The following USP34 variants were observed in gnomAD, a reference collection of about 807,000 sequenced individuals.
The protein encoded by USP34 is ubiquitin carboxyl-terminal hydrolase 34.
A neutral mutation model predicts 460.3 loss-of-function variants in USP34; 70 were observed. The ratio of observed to expected loss-of-function variants is 0.15; its 90% CI spans 0.13 to 0.19. USP34 has a LOEUF of 0.19. Ranked by LOEUF, USP34 falls within the 10% of genes least tolerant of loss-of-function variation. The pLI, the probability that USP34 is intolerant of heterozygous loss-of-function variation, is 1.00. For synonymous variants in USP34, 1,647 were observed against 1,405.3 expected, an observed-to-expected ratio of 1.17 and a Z score of -3.85; for missense variants, 3,985 against 4,236.2, an observed-to-expected ratio of 0.94 and a Z score of 1.65.
At chr2:61,220,749 T>G (rs1687538026) in intron 66 of USP34, among the ~76,000 whole-genome samples, 2 of 152,208 alleles carry the variant, frequency 1.3e-5, no homozygotes, top group African/African-American at 4.8e-5. Context: ...TTTGGAAATT[T>G]ATTTAAAAGT....
chr2:61,220,899 G>C (rs1687562162), intron 66 of USP34, among the ~76,000 whole-genome samples: 1 of 152,178 alleles, frequency 6.6e-6, no homozygotes, highest in Admixed American at 6.5e-5. Context: ...AATCTAGAGT[G>C]GGGGTTGGCA....
In USP34 at chr2:61,226,221, T is replaced by C. The variant is rs117290927; in HGVS notation, c.7595+846A>G. Reference sequence around the variant, plus strand: ...CCGTGAAAAGTACATTTGTTTACAATATGGAAACTGAAACAAAAAGGCAAA... The same window carrying C: ...CCGTGAAAAGTACATTTGTTTACAACATGGAAACTGAAACAAAAAGGCAAA... On this transcript the variant is annotated intron_variant, in intron 62 of 79. Coordinates refer to ENST00000398571, the MANE Select transcript of USP34 (RefSeq NM_014709.4). 3.2e-4 allele frequency among the ~76,000 whole-genome samples: 49 copies of C among 152,292 alleles called. No homozygotes were observed. In the East Asian group the frequency reaches 8.9e-3, roughly 28 times the overall value.
intron 67 of USP34, among the ~76,000 whole-genome samples, chr2:61,218,164 GT>G (rs202133746): frequency 0.15 from 21,352 of 144,680 alleles, 2,010 homozygotes; most frequent in South Asian, 0.36. Flanking sequence ...GTTCAGCATA[GT>G]TTTTTTTTTT....
At chr2:61,336,054 C>T (rs1691404978) in intron 18 of USP34, among the ~76,000 whole-genome samples, 1 of 151,944 alleles carries the variant, frequency 6.6e-6, no homozygotes, top group Non-Finnish European at 1.5e-5. Flanking sequence ...TTTAAAATTA[C>T]AGCGTATATC....
intron 33 of USP34, among the ~76,000 whole-genome samples, chr2:61,290,414 A>G (rs539852386): frequency 2.0e-5 from 3 of 152,258 alleles, no homozygotes; most frequent in Admixed American, 6.5e-5. Context: ...TATTTTAACA[A>G]CCCAAAACTG....
At chr2:61,379,693 C>A (rs554584884) in intron 7 of USP34, among the ~76,000 whole-genome samples, 5 of 152,196 alleles carry the variant, frequency 3.3e-5, no homozygotes, top group Non-Finnish European at 7.3e-5. Flanking sequence ...CTTCTTCCAA[C>A]CCCCTCACCA....
chr2:61,289,864 T>C (rs959702757), intron 33 of USP34, among the ~76,000 whole-genome samples: 3 of 152,108 alleles, frequency 2.0e-5, no homozygotes, highest in African/African-American at 4.8e-5. Context: ...CTTTGTGACC[T>C]TGGTACAAAT....
chr2:61,207,315 G>C (rs1338579727), intron 70 of USP34: 1 of 153,840 alleles, frequency 6.5e-6, no homozygotes, highest in African/African-American at 2.4e-5. Context: ...GAGGTAAAAA[G>C]AGCTGCAAAA....
intron 1 of USP34, among the ~76,000 whole-genome samples, chr2:61,465,514 T>C (rs944790614): frequency 2.0e-5 from 3 of 152,234 alleles, no homozygotes; most frequent in African/African-American, 7.2e-5. Context: ...TACAAAGCTA[T>C]ACTACCCACA....
At chr2:61,323,914 A>C (rs1691006087) in intron 21 of USP34, among the ~76,000 whole-genome samples, 1 of 152,330 alleles carries the variant, frequency 6.6e-6, no homozygotes, top group Admixed American at 6.5e-5. Flanking sequence ...TTATTTTTGA[A>C]ATCTGTTATC....
intron 78 of USP34, chr2:61,189,739 C>T (rs915769322): frequency 6.6e-6 from 1 of 152,554 alleles, no homozygotes; most frequent in African/African-American, 2.4e-5. Flanking sequence ...ATGGATGTCA[C>T]AAATAGTAAG....
chr2:61,370,658 A>C, intron 8 of USP34, 79 bp from the exon 9 acceptor site: 1 of 1,322,364 alleles, frequency 7.6e-7, no homozygotes, highest in Non-Finnish European at 1.1e-6. Context: ...GTCAATTGAA[A>C]ACCTAAATTT....
At position 61,451,220 on chromosome 2, in the gene USP34, C is replaced by CAAAAAAAAAAAAAA. The variant is rs70963432; in HGVS notation, c.43+19416_43+19429dup. Reference sequence around the variant, plus strand: ...CAGGTGACAGTGTGAGGCTTCATCTCAAAAAAAAAAAAAAAAAAAAAAAAA... The same window carrying CAAAAAAAAAAAAAA: ...CAGGTGACAGTGTGAGGCTTCATCTCAAAAAAAAAAAAAAAAAAAAAAAAAAAAAAAAAAAAAAA... On this transcript the variant is annotated intron_variant, in intron 1 of 79. Transcript: ENST00000398571. 2.5e-3 allele frequency among the ~76,000 whole-genome samples: 125 copies of CAAAAAAAAAAAAAA among 50,770 alleles called. 3 individuals carry two copies. Among genetic ancestry groups the CAAAAAAAAAAAAAA allele is most frequent in the African/African-American group, 3.0e-3 (30 of 9,924 alleles). The allele number at this position is 50,770 out of a possible 152,430, so 33.3% of individuals were successfully genotyped here. A position where few individuals can be genotyped will look rare whatever the true frequency, so the allele number is the denominator to read the frequency against.
chr2:61,394,442 T>C (rs778101416), intron 5 of USP34, among the ~76,000 whole-genome samples: 12 of 148,010 alleles, frequency 8.1e-5, no homozygotes, highest in Non-Finnish European at 1.3e-4. Context: ...ACACCTCTAG[T>C]CCCAGCTACT....
At chr2:61,291,966 C>T (rs964336332) in intron 33 of USP34, among the ~76,000 whole-genome samples, 2 of 151,994 alleles carry the variant, frequency 1.3e-5, no homozygotes, top group Non-Finnish European at 2.9e-5. Context: ...CACGATGGAC[C>T]ATATATTGTA....
Position 61,420,873 on chromosome 2 carries a change from A to C in USP34, c.44-40T>G, listed in dbSNP as rs748546947. ...AAATTTTAAAATTATGAATAATGCT[A>C]AACCAGTATTAAAGCCAACAGTTCA... On this transcript the variant is annotated intron_variant, in intron 1 of 79. Transcript: ENST00000398571. 3 of 1,463,670 alleles carry C rather than the reference A, an allele frequency of 2.0e-6. No homozygotes were observed. In the South Asian group the frequency reaches 3.6e-5, roughly 18 times the overall value. 90.7% of individuals were successfully genotyped at this position (1,463,670 alleles called of 1,614,324 possible).
At chr2:61,458,561 G>GAA (rs35618719) in intron 1 of USP34, among the ~76,000 whole-genome samples, 1,871 of 96,484 alleles carry the variant, frequency 0.019, 88 homozygotes, top group African/African-American at 0.069. Context: ...AACTGTCTCA[G>GAA]AAAAAAAAAA....
At chr2:61,390,142 C>G (rs1693297745) in intron 5 of USP34, among the ~76,000 whole-genome samples, 1 of 152,202 alleles carries the variant, frequency 6.6e-6, no homozygotes, top group Admixed American at 6.5e-5. Flanking sequence ...ATACCTTTGA[C>G]TAAAGCATAT....
chr2:61,452,887 G>T (rs1695325699), intron 1 of USP34, among the ~76,000 whole-genome samples: 1 of 121,734 alleles, frequency 8.2e-6, no homozygotes, highest in Admixed American at 9.7e-5. Flanking sequence ...AAGACACTAT[G>T]ATGACCCACC....
Sources: gnomAD v4.1 joint callset for allele counts (sites outside exome capture counted in the v4.1 genomes callset) on GRCh38, gnomAD v4.1.1 for gene constraint, MANE v1.5 for transcripts, NCBI Gene and HGNC (gene_info 2026-07-23, HGNC 2026-07-21) for gene names.